The following SH3RF1 variants were observed in gnomAD, a reference collection of about 807,000 sequenced individuals.
SH3RF1 encodes E3 ubiquitin-protein ligase SH3RF1.
SH3RF1 carries 32 observed loss-of-function variants against 74.0 expected under a neutral mutation model. The observed-to-expected ratio is 0.43, with a 90% CI of 0.33 to 0.58. The LOEUF (loss-of-function observed/expected upper bound fraction) is 0.58. Ranked by LOEUF, SH3RF1 falls within the 20% of genes least tolerant of loss-of-function variation. SH3RF1 has a pLI of 0.05. For synonymous variants in SH3RF1, 396 were observed against 439.6 expected, an observed-to-expected ratio of 0.90 and a Z score of 1.24; for missense variants, 954 against 1,130.9, an observed-to-expected ratio of 0.84 and a Z score of 2.24.
At chr4:169,187,947 G>C (rs1216414818) in intron 2 of SH3RF1, among the ~76,000 whole-genome samples, 2 of 152,102 alleles carry the variant, frequency 1.3e-5, no homozygotes, top group Non-Finnish European at 2.9e-5. Context: ...CCTGATGAAG[G>C]CCATGTGAAA....
chr4:169,254,529 T>C (rs1187491800), intron 2 of SH3RF1, among the ~76,000 whole-genome samples: 1 of 152,138 alleles, frequency 6.6e-6, no homozygotes, highest in Non-Finnish European at 1.5e-5. Context: ...GCTGACACTA[T>C]CGTAAAGATT....
chr4:169,203,119 A>G (rs1480747457), intron 2 of SH3RF1, among the ~76,000 whole-genome samples: 2 of 152,226 alleles, frequency 1.3e-5, no homozygotes, highest in African/African-American at 2.4e-5. Context: ...TATTTGACCA[A>G]ACGTCTCACA....
chr4:169,240,950 G>C (rs1005264889), intron 2 of SH3RF1, among the ~76,000 whole-genome samples: 1 of 152,188 alleles, frequency 6.6e-6, no homozygotes, highest in African/African-American at 2.4e-5. Context: ...AACTGCCCAG[G>C]CCGGGCGTGG....
chr4:169,228,383 G>C (rs564368291), intron 2 of SH3RF1, among the ~76,000 whole-genome samples: 1 of 127,414 alleles, frequency 7.8e-6, no homozygotes, highest in Admixed American at 8.0e-5. Context: ...TGTTGGCAGC[G>C]CTGTGTTTTT....
chr4:169,184,241 T>C (rs1045919612), intron 2 of SH3RF1, among the ~76,000 whole-genome samples: 26 of 152,224 alleles, frequency 1.7e-4, no homozygotes, highest in Admixed American at 1.2e-3. Context: ...CAGAAGAAAT[T>C]ATCTACTGAC....
At chr4:169,261,043 C>T (rs1206668210) in intron 2 of SH3RF1, among the ~76,000 whole-genome samples, 1 of 152,182 alleles carries the variant, frequency 6.6e-6, no homozygotes, top group Non-Finnish European at 1.5e-5. Flanking sequence ...CCAGACACTA[C>T]AAAGGGCTCT....
At chr4:169,148,210 A>G (rs1483117291) in intron 4 of SH3RF1, among the ~76,000 whole-genome samples, 1 of 152,238 alleles carries the variant, frequency 6.6e-6, no homozygotes, top group African/African-American at 2.4e-5. Flanking sequence ...TAGTTATTGA[A>G]TGTGCTCTGA....
At chr4:169,235,960 C>T (rs1730817507) in intron 2 of SH3RF1, among the ~76,000 whole-genome samples, 1 of 152,206 alleles carries the variant, frequency 6.6e-6, no homozygotes, top group Non-Finnish European at 1.5e-5. Context: ...GGATTATAGG[C>T]GTGAGCCACC....
chr4:169,201,337 G>A (rs1170328555), intron 2 of SH3RF1, among the ~76,000 whole-genome samples: 1 of 152,114 alleles, frequency 6.6e-6, no homozygotes, highest in Non-Finnish European at 1.5e-5. Context: ...ATCTCCACTG[G>A]GAATACTTTG....
intron 2 of SH3RF1, among the ~76,000 whole-genome samples, chr4:169,240,319 C>CGTT (rs1286716069): frequency 1.1e-4 from 17 of 152,142 alleles, no homozygotes; most frequent in Admixed American, 7.9e-4. Context: ...CCTCAGCCTC[C>CGTT]TGAGGTAGCT....
chr4:169,116,607 G>A lies in SH3RF1; in HGVS notation c.1801C>T (p.Pro601Ser), dbSNP rs138162973. ...RTVAAHNQER[P>S]TAAVTPIQVQ... ...TGGATGGGTGTCACTGCTGCCGTGG[G>A]GCGTTCCTGGTTGTGCGCTGCAACT... is the stretch of plus-strand genomic sequence containing the variant. The change falls in exon 10 of 12, where the codon CCC becomes TCC. Residue 601 changes from proline (P) to serine (S), a missense_variant. Physicochemically the swap from Pro to Ser is moderately conservative, Grantham distance 74. Around this residue, in one of 3 missense-constraint regions of SH3RF1, gnomAD observed 854 missense variants for 962.5 expected, o/e 0.89. Transcript: ENST00000284637. The A allele has an allele frequency of 2.6e-6, 4 of 1,556,220 alleles. No individual in the cohort carries two copies. In the African/African-American group the frequency reaches 5.4e-5, roughly 21 times the overall value.
chr4:169,184,137 C>T (rs975920437), intron 2 of SH3RF1, among the ~76,000 whole-genome samples: 1 of 152,130 alleles, frequency 6.6e-6, no homozygotes, highest in Non-Finnish European at 1.5e-5. Flanking sequence ...GACCTCAGGG[C>T]ACTCCCACCG....
At chr4:169,184,922 C>G (rs1464358823) in intron 2 of SH3RF1, among the ~76,000 whole-genome samples, 1 of 152,156 alleles carries the variant, frequency 6.6e-6, no homozygotes, top group South Asian at 2.1e-4. Flanking sequence ...TTTCCTGATT[C>G]CAACTCTAGG....
intron 2 of SH3RF1, among the ~76,000 whole-genome samples, chr4:169,158,087 G>C (rs1032545543): frequency 6.6e-6 from 1 of 152,214 alleles, no homozygotes; most frequent in Non-Finnish European, 1.5e-5. Context: ...ATGACTTAAA[G>C]AAGAATAAGA....
intron 4 of SH3RF1, among the ~76,000 whole-genome samples, chr4:169,137,323 C>T (rs1733716903): frequency 6.6e-6 from 1 of 152,084 alleles, no homozygotes; most frequent in South Asian, 2.1e-4. Context: ...CTGAAAAGCC[C>T]CAGTGTAAAT....
chr4:169,248,880 C>T (rs934262850), intron 2 of SH3RF1, among the ~76,000 whole-genome samples: 17 of 152,112 alleles, frequency 1.1e-4, no homozygotes, highest in East Asian at 7.7e-4. Context: ...TGAATGGCTC[C>T]GCTCCAAAAC....
intron 11 of SH3RF1, among the ~76,000 whole-genome samples, chr4:169,102,574 C>G (rs1449248011): frequency 2.0e-5 from 3 of 151,778 alleles, no homozygotes; most frequent in Non-Finnish European, 2.9e-5. Flanking sequence ...TATTTGCCAT[C>G]CCTTCTGAAA....
At chr4:169,169,762 C>G (rs369470487) in intron 2 of SH3RF1, among the ~76,000 whole-genome samples, 2 of 152,104 alleles carry the variant, frequency 1.3e-5, no homozygotes, top group Non-Finnish European at 2.9e-5. Flanking sequence ...GGGTCTTACT[C>G]TGTCAACCAG....
chr4:169,255,628 C>CACAT (rs1731177764), intron 2 of SH3RF1, among the ~76,000 whole-genome samples: 1 of 145,606 alleles, frequency 6.9e-6, no homozygotes, highest in African/African-American at 2.6e-5. Flanking sequence ...CACATACACA[C>CACAT]ACACACACAC....
Sources: gnomAD v4.1 joint callset for allele counts (sites outside exome capture counted in the v4.1 genomes callset) on GRCh38, gnomAD v4.1.1 for gene constraint, gnomAD v4.1.1 regional missense constraint, MANE v1.5 for transcripts, NCBI Gene and HGNC (gene_info 2026-07-23, HGNC 2026-07-21) for gene names.